Variants in APBA2 observed in about 807,000 individuals in gnomAD.
APBA2 encodes amyloid beta precursor protein binding family A member 2.
APBA2 carries 30 observed loss-of-function variants against 75.0 expected under a neutral mutation model. The ratio of observed to expected loss-of-function variants is 0.40; its 90% CI spans 0.30 to 0.54. APBA2 has a LOEUF of 0.54. Among genes scored for constraint, APBA2 ranks in the 20% least tolerant of loss-of-function variants. APBA2 has a pLI of 0.49. For missense variants in APBA2, 801 were observed against 1,016.1 expected, an observed-to-expected ratio of 0.79 and a Z score of 2.88; for synonymous variants, 444 against 409.6, an observed-to-expected ratio of 1.08 and a Z score of -1.01.
intron 2 of APBA2, among the ~76,000 whole-genome samples, chr15:28,969,686 C>T (rs1174036876): frequency 6.6e-6 from 1 of 152,164 alleles, no homozygotes; most frequent in Non-Finnish European, 1.5e-5. Flanking sequence ...GAGGTGGCCT[C>T]TGGGAGGTTT....
chr15:28,993,667 T>C (rs2038355643), intron 2 of APBA2, among the ~76,000 whole-genome samples: 1 of 152,212 alleles, frequency 6.6e-6, no homozygotes, highest in Admixed American at 6.5e-5. Flanking sequence ...GTGATGATTC[T>C]GTGCCTTTGT....
intron 2 of APBA2, among the ~76,000 whole-genome samples, chr15:28,971,491 C>T (rs754449210): frequency 6.6e-6 from 1 of 152,038 alleles, no homozygotes; most frequent in Admixed American, 6.5e-5. Flanking sequence ...CACCCTCACT[C>T]GGGAGATAAT....
chr15:28,996,887 T>C (rs2038555564), intron 3 of APBA2, among the ~76,000 whole-genome samples: 1 of 152,152 alleles, frequency 6.6e-6, no homozygotes, highest in South Asian at 2.1e-4. Context: ...GGAATCTCTG[T>C]GCCAGTTGTG....
At chr15:29,052,376 A>G (rs1205389772) in intron 3 of APBA2, among the ~76,000 whole-genome samples, 1 of 150,308 alleles carries the variant, frequency 6.7e-6, no homozygotes, top group Non-Finnish European at 1.5e-5. Flanking sequence ...AATGGTGTGA[A>G]CCCAGGAGGT....
intron 2 of APBA2, among the ~76,000 whole-genome samples, chr15:28,922,815 G>C (rs1202670489): frequency 6.6e-6 from 1 of 152,158 alleles, no homozygotes; most frequent in Non-Finnish European, 1.5e-5. Flanking sequence ...GGTCCTTCAG[G>C]TATTCGGTGA....
At chr15:29,075,702 G>C (rs1174794370) in intron 5 of APBA2, among the ~76,000 whole-genome samples, 2 of 152,206 alleles carry the variant, frequency 1.3e-5, no homozygotes, top group Non-Finnish European at 2.9e-5. Context: ...GGCCACCGAT[G>C]GAGTGGTATC....
At chr15:28,979,823 G>A (rs1416597235) in intron 2 of APBA2, among the ~76,000 whole-genome samples, 1 of 152,200 alleles carries the variant, frequency 6.6e-6, no homozygotes, top group African/African-American at 2.4e-5. Flanking sequence ...GGTTCAAAAT[G>A]AGACAGACAG....
intron 2 of APBA2, among the ~76,000 whole-genome samples, chr15:28,979,389 C>T (rs2037506411): frequency 2.0e-5 from 3 of 152,214 alleles, no homozygotes; most frequent in African/African-American, 7.2e-5. Context: ...TGTTTTGAGC[C>T]AATGTGTGTG....
chr15:29,064,694 G>C (rs1346559341), intron 4 of APBA2, among the ~76,000 whole-genome samples: 1 of 152,178 alleles, frequency 6.6e-6, no homozygotes, highest in Non-Finnish European at 1.5e-5. Flanking sequence ...GGGAAGGCGA[G>C]GGACATGGGT....
At chr15:28,954,681 G>T (rs780886855) in intron 2 of APBA2, among the ~76,000 whole-genome samples, 1 of 152,164 alleles carries the variant, frequency 6.6e-6, no homozygotes, top group Non-Finnish European at 1.5e-5. Context: ...TCTTGAAGAC[G>T]GCGCTCACGG....
intron 4 of APBA2, among the ~76,000 whole-genome samples, chr15:29,059,721 C>T (rs534877454): frequency 7.2e-5 from 11 of 152,234 alleles, no homozygotes; most frequent in African/African-American, 2.6e-4. Context: ...CTGTATCGCC[C>T]CTAGGAGCAA....
At chr15:29,026,866 A>G (rs950610528) in intron 3 of APBA2, among the ~76,000 whole-genome samples, 3 of 152,196 alleles carry the variant, frequency 2.0e-5, no homozygotes, top group Non-Finnish European at 4.4e-5. Flanking sequence ...GCTTGCAGTG[A>G]GCCGAGATCC....
At chr15:28,910,292 G>C (rs2033369051) in intron 1 of APBA2, among the ~76,000 whole-genome samples, 1 of 152,174 alleles carries the variant, frequency 6.6e-6, no homozygotes, top group Non-Finnish European at 1.5e-5. Context: ...AGCAGGGTTG[G>C]AGGTTTCTGT....
chr15:29,069,743 GCTACC>G (rs1383788227), intron 4 of APBA2, among the ~76,000 whole-genome samples: 3 of 152,248 alleles, frequency 2.0e-5, no homozygotes, highest in Non-Finnish European at 4.4e-5. Flanking sequence ...CTTAGCAAGA[GCTACC>G]CTGTGCCATA....
intron 2 of APBA2, among the ~76,000 whole-genome samples, chr15:28,948,379 T>TG (rs1354299702): frequency 2.3e-5 from 3 of 130,292 alleles, no homozygotes; most frequent in East Asian, 2.8e-4. Flanking sequence ...TGATTATTTT[T>TG]GGAAAAAAAA....
intron 3 of APBA2, among the ~76,000 whole-genome samples, chr15:29,026,911 ACT>A (rs1325265868): frequency 6.6e-6 from 1 of 152,066 alleles, no homozygotes; most frequent in African/African-American, 2.4e-5. Context: ...ACAGAGCAAG[ACT>A]CTGTCTCAAA....
In APBA2 at chr15:28,999,406, T is replaced by A. The variant is rs143777689; in HGVS notation, c.-41+3600T>A. Among the ~76,000 whole-genome samples the A allele has an allele frequency of 5.4e-4, 82 of 152,246 alleles. 1 individual carries two copies. The East Asian group carries it at 0.014, about 27-fold the overall frequency. ...AATTAATTTTAAAAAGACAATAGAA[T>A]TGAAAAATGAGCAAATACTATGAAG... On this transcript the variant is annotated intron_variant, in intron 3 of 14. Transcript: ENST00000683413.
At chr15:28,956,746 C>T (rs2036190661) in intron 2 of APBA2, among the ~76,000 whole-genome samples, 1 of 152,170 alleles carries the variant, frequency 6.6e-6, no homozygotes. Context: ...TCCCCTCACC[C>T]CCTGGCACCC....
intron 2 of APBA2, among the ~76,000 whole-genome samples, chr15:28,934,505 A>G (rs2034740951): frequency 6.6e-6 from 1 of 152,160 alleles, no homozygotes; most frequent in African/African-American, 2.4e-5. Context: ...GACCAGTGAC[A>G]TCCCCACAGG....
Sources: gnomAD v4.1 joint callset for allele counts (sites outside exome capture counted in the v4.1 genomes callset) on GRCh38, gnomAD v4.1.1 for gene constraint, MANE v1.5 for transcripts, NCBI Gene and HGNC (gene_info 2026-07-23, HGNC 2026-07-21) for gene names.